ORAI2: variants seen among roughly 807,000 people sequenced by gnomAD.
ORAI2 encodes the protein ORAI calcium release-activated calcium modulator 2, also known as protein orai-2.
A neutral mutation model predicts 16.2 loss-of-function variants in ORAI2; 10 were observed. The observed-to-expected ratio is 0.62, with a 90% CI of 0.38 to 1.04. The LOEUF (loss-of-function observed/expected upper bound fraction) is 1.04. Ranked by LOEUF, ORAI2 falls within the 50% of genes least tolerant of loss-of-function variation. The pLI, the probability that ORAI2 is intolerant of heterozygous loss-of-function variation, is 0.01. For missense variants in ORAI2, 238 were observed against 355.5 expected (o/e 0.67, Z 2.66); for synonymous variants, 150 against 157.5 (o/e 0.95, Z 0.35).
In ORAI2 at chr7:102,447,597, G is replaced by A; in HGVS notation, c.*545G>A. On this transcript the variant is annotated 3_prime_UTR_variant, in exon 4 of 4. Transcript: ENST00000495936. ...CCTGCCTGGCCCTGGAGGGAGCTGG[G>A]TGGCCTGGCTTCAGGGGAAGACAGG... is the stretch of plus-strand genomic sequence containing the variant. 6.5e-6 allele frequency: 1 copy of A among 155,030 alleles called. No individual in the cohort carries two copies. The highest frequency in any genetic ancestry group is 2.0e-4 in the South Asian group (1 of 5,002). 9.6% of individuals were successfully genotyped at this position (155,030 alleles called of 1,614,324 possible).
At position 102,448,288 on chromosome 7, in the gene ORAI2, G is replaced by A. The variant is rs1797428330; in HGVS notation, c.*1236G>A. On this transcript the variant is annotated 3_prime_UTR_variant, in exon 4 of 4. Coordinates refer to ENST00000495936, the MANE Select transcript of ORAI2 (RefSeq NM_001126340.3). Reference sequence around the variant, plus strand: ...AGGCATCTGGTAGACCCGAAGCCACGCTCTCGGGCCGCACATGCACGCCGC... The same window carrying A: ...AGGCATCTGGTAGACCCGAAGCCACACTCTCGGGCCGCACATGCACGCCGC... 2 of 152,436 alleles carry A rather than the reference G, an allele frequency of 1.3e-5. No homozygotes were observed. Among genetic ancestry groups the A allele is most frequent in the East Asian group, 1.9e-4 (1 of 5,182 alleles). The allele number at this position is 152,436 out of a possible 1,614,324, so 9.4% of individuals were successfully genotyped here. A position where few individuals can be genotyped will look rare whatever the true frequency, so the allele number is the denominator to read the frequency against.
intron 3 of ORAI2, among the ~76,000 whole-genome samples, chr7:102,439,586 C>G (rs1232979335): frequency 6.8e-6 from 1 of 146,738 alleles, no homozygotes; most frequent in Non-Finnish European, 1.5e-5. Flanking sequence ...ACAGGGAGAC[C>G]CCTGTCTTTA....
In ORAI2 at chr7:102,452,573, A is replaced by G. The variant is rs536750008; in HGVS notation, c.*5521A>G. 1 of 152,076 alleles carries G rather than the reference A, an allele frequency of 6.6e-6. No homozygotes were observed. The highest frequency in any genetic ancestry group is 6.5e-5 in the Admixed American group (1 of 15,268). 9.4% of individuals were successfully genotyped at this position (152,076 alleles called of 1,614,324 possible). A position where few individuals can be genotyped will look rare whatever the true frequency, so the allele number is the denominator to read the frequency against. ...CCACCTCAGTCTCCCAAGTAGCTAC[A>G]CTTGGGAGACTACGGGCGCACACTA... On this transcript the variant is annotated 3_prime_UTR_variant, in exon 4 of 4. Coordinates refer to ENST00000495936, the MANE Select transcript of ORAI2 (RefSeq NM_001126340.3).
At chr7:102,444,038 G>A (rs563589494) in intron 3 of ORAI2, among the ~76,000 whole-genome samples, 22 of 152,160 alleles carry the variant, frequency 1.4e-4, no homozygotes, top group South Asian at 4.1e-4. Flanking sequence ...CACTGAAAGC[G>A]AGGTGAAGAA....
intron 3 of ORAI2, 127 bp downstream of exon 3, chr7:102,439,308 A>G: frequency 1.3e-6 from 1 of 772,218 alleles, no homozygotes; most frequent in East Asian, 2.7e-5. Flanking sequence ...AGTAGGAAGC[A>G]TCCACCCACG....
At chr7:102,442,246 T>C (rs1797226218) in intron 3 of ORAI2, among the ~76,000 whole-genome samples, 1 of 151,334 alleles carries the variant, frequency 6.6e-6, no homozygotes, top group Admixed American at 6.6e-5. Context: ...GGAAACCCTG[T>C]CCCTACTAAA....
In ORAI2 at chr7:102,453,619, C is replaced by G. The variant is rs971818546; in HGVS notation, c.*6567C>G. ...ACAAGCCTCGAGAAAGACTGCACTTCCGGTGGAGGCTGCAGTTTCCTTAAA... is the reference window on the plus strand; with the variant it reads ...ACAAGCCTCGAGAAAGACTGCACTTGCGGTGGAGGCTGCAGTTTCCTTAAA... On this transcript the variant is annotated 3_prime_UTR_variant, in exon 4 of 4. Transcript: ENST00000495936. 15 of 152,260 alleles carry G rather than the reference C, an allele frequency of 9.9e-5. No homozygotes were observed. The highest frequency in any genetic ancestry group is 3.6e-4 in the African/African-American group (15 of 41,466). 9.4% of individuals were successfully genotyped at this position (152,260 alleles called of 1,614,324 possible).
At chr7:102,434,455 C>T (rs909314487) in intron 1 of ORAI2, among the ~76,000 whole-genome samples, 3 of 152,188 alleles carry the variant, frequency 2.0e-5, no homozygotes, top group East Asian at 3.9e-4. Flanking sequence ...AGGGCCTCAC[C>T]GATGGGGCAT....
At chr7:102,442,857 CAA>C (rs763868369) in intron 3 of ORAI2, among the ~76,000 whole-genome samples, 9 of 88,428 alleles carry the variant, frequency 1.0e-4, no homozygotes, top group Admixed American at 2.4e-4. Context: ...GACTCCGTCT[CAA>C]AAAAAAAAAA....
chr7:102,444,223 T>G (rs537397346), intron 3 of ORAI2, among the ~76,000 whole-genome samples: 118 of 152,094 alleles, frequency 7.8e-4, no homozygotes, highest in African/African-American at 2.4e-3. Flanking sequence ...GGGCCCAGCC[T>G]TGTGAGTTAT....
chr7:102,453,066 C>T lies in ORAI2; in HGVS notation c.*6014C>T, dbSNP rs1797568668. 6.6e-6 allele frequency: 1 copy of T among 152,238 alleles called. No individual in the cohort carries two copies. Among genetic ancestry groups the T allele is most frequent in the South Asian group, 2.1e-4 (1 of 4,834 alleles). The allele number at this position is 152,238 out of a possible 1,614,324, so 9.4% of individuals were successfully genotyped here. A position where few individuals can be genotyped will look rare whatever the true frequency, so the allele number is the denominator to read the frequency against. ...TCAGCTCACCGCAACCTCCGCCTCC[C>T]AGGTTCAAGCAATTATCTTGCCTCA... On this transcript the variant is annotated 3_prime_UTR_variant, in exon 4 of 4. Coordinates refer to ENST00000495936, the MANE Select transcript of ORAI2 (RefSeq NM_001126340.3).
rs745705552 is a variant in ORAI2 at position 102,436,234 on chromosome 7, G to T, written c.-113G>T. On this transcript the variant is annotated 5_prime_UTR_variant, in exon 2 of 4. Transcript: ENST00000495936. ...CTGAATTCTCCCCAAGGGAAGGAAC[G>T]TCCCAGGGATGGAAGTGCTTGGATG... The T allele has an allele frequency of 1.2e-6, 1 of 846,830 alleles. No homozygotes were observed. The highest frequency in any genetic ancestry group is 1.4e-6 in the Non-Finnish European group (1 of 703,352). 52.5% of individuals were successfully genotyped at this position (846,830 alleles called of 1,614,324 possible).
intron 1 of ORAI2, among the ~76,000 whole-genome samples, chr7:102,435,507 A>T: frequency 6.8e-6 from 1 of 146,926 alleles, no homozygotes; most frequent in African/African-American, 2.5e-5. Context: ...TGAAGCCTTT[A>T]GCTCAGTGGA....
At chr7:102,441,100 C>G (rs1346816446) in intron 3 of ORAI2, among the ~76,000 whole-genome samples, 1 of 149,796 alleles carries the variant, frequency 6.7e-6, no homozygotes, top group Non-Finnish European at 1.5e-5. Flanking sequence ...ACCATGTTGG[C>G]CAGGCTGGGC....
chr7:102,444,942 T>C (rs11983129), intron 3 of ORAI2, among the ~76,000 whole-genome samples: 11,284 of 151,178 alleles, frequency 0.075, 467 homozygotes, highest in African/African-American at 0.094. Context: ...GCTGGGATTA[T>C]AGGTGTGAGC....
At chr7:102,439,406 A>G (rs1197356785) in intron 3 of ORAI2, among the ~76,000 whole-genome samples, 1 of 152,170 alleles carries the variant, frequency 6.6e-6, no homozygotes, top group Non-Finnish European at 1.5e-5. Context: ...ATCTTCAGAA[A>G]GCCCACTTTG....
chr7:102,444,498 C>A (rs1046781021), intron 3 of ORAI2, among the ~76,000 whole-genome samples: 2 of 53,406 alleles, frequency 3.7e-5, no homozygotes, highest in Non-Finnish European at 5.7e-5. Flanking sequence ...AGTGATCCGC[C>A]CCCCCCCGCC....
rs897321870 is a variant in ORAI2 at position 102,455,524 on chromosome 7, C to T, written c.*8472C>T. 2 of 152,340 alleles carry T rather than the reference C, an allele frequency of 1.3e-5. No homozygotes were observed. The highest frequency in any genetic ancestry group is 4.8e-5 in the African/African-American group (2 of 41,460). 9.4% of individuals were successfully genotyped at this position (152,340 alleles called of 1,614,324 possible). A position where few individuals can be genotyped will look rare whatever the true frequency, so the allele number is the denominator to read the frequency against. On this transcript the variant is annotated 3_prime_UTR_variant, in exon 4 of 4. Transcript: ENST00000495936. ...CAAGCCTCACGAGGCCTCTCCCCTCCAAGTCTCTATGTGCATCGTTCTCCA... is the reference window on the plus strand; with the variant it reads ...CAAGCCTCACGAGGCCTCTCCCCTCTAAGTCTCTATGTGCATCGTTCTCCA...
intron 3 of ORAI2, among the ~76,000 whole-genome samples, chr7:102,439,625 G>A (rs77344552): frequency 0.026 from 3,990 of 151,988 alleles, 162 homozygotes; most frequent in African/African-American, 0.092. Flanking sequence ...TTAGCCGGAC[G>A]TGGTGGCGTG....
Sources: allele counts gnomAD v4.1 joint callset (sites outside exome capture counted in the v4.1 genomes callset), GRCh38; gene constraint gnomAD v4.1.1; transcripts MANE v1.5; gene names NCBI Gene and HGNC (gene_info 2026-07-23, HGNC 2026-07-21).